Variants in PLAC1 observed in about 807,000 individuals in gnomAD.
PLAC1 encodes the protein placenta-specific protein 1.
For missense variants in PLAC1, 136 were observed against 163.2 expected, an observed-to-expected ratio of 0.83 and a Z score of 0.91; for synonymous variants, 68 against 62.1, an observed-to-expected ratio of 1.09 and a Z score of -0.44.
At chrX:134,610,726 G>C (rs1487711114) in intron 1 of PLAC1, among the ~76,000 whole-genome samples, 1 of 112,077 alleles carries the variant, frequency 8.9e-6, no homozygotes, top group Non-Finnish European at 1.9e-5. Flanking sequence ...TTTCTGAACT[G>C]ATATGACTAC....
intron 2 of PLAC1, among the ~76,000 whole-genome samples, chrX:134,728,041 G>T (rs889194322): frequency 8.9e-6 from 1 of 111,802 alleles, no homozygotes; most frequent in African/African-American, 3.2e-5. Flanking sequence ...TTTGAATGGG[G>T]AGAAGAAAGA....
intron 2 of PLAC1, among the ~76,000 whole-genome samples, chrX:134,669,476 T>C (rs778198206): frequency 3.1e-4 from 35 of 112,263 alleles, no homozygotes; most frequent in Middle Eastern, 4.6e-3. Flanking sequence ...GGGTGTGAGC[T>C]CTTATTCTCT....
chrX:134,678,189 A>G (rs762305284), intron 2 of PLAC1, among the ~76,000 whole-genome samples: 1 of 111,270 alleles, frequency 9.0e-6, no homozygotes, highest in East Asian at 2.8e-4. Context: ...ACTCGGTCTA[A>G]TGGTTTCTTA....
intron 2 of PLAC1, among the ~76,000 whole-genome samples, chrX:134,726,881 A>G (rs999253282): frequency 9.3e-5 from 10 of 107,623 alleles, no homozygotes; most frequent in Non-Finnish European, 1.5e-4. Context: ...AGGGCAAACT[A>G]CCCGTTGCTC....
intron 2 of PLAC1, among the ~76,000 whole-genome samples, chrX:134,669,912 G>A (rs2078449855): frequency 8.9e-6 from 1 of 112,013 alleles, no homozygotes; most frequent in African/African-American, 3.2e-5. Flanking sequence ...GATCTCGAAA[G>A]AACCTTGGCT....
At chrX:134,601,254 A>G (rs1270655956) in intron 2 of PLAC1, among the ~76,000 whole-genome samples, 1 of 112,302 alleles carries the variant, frequency 8.9e-6, no homozygotes, top group Non-Finnish European at 1.9e-5. Flanking sequence ...ATTTCATAGT[A>G]TGGACAACTT....
chrX:134,607,486 T>C, intron 1 of PLAC1: 1 of 153,265 alleles, frequency 6.5e-6, no homozygotes, highest in Non-Finnish European at 1.3e-5. Flanking sequence ...TGAAGGAAAC[T>C]GTTCAGAGAA....
intron 2 of PLAC1, among the ~76,000 whole-genome samples, chrX:134,696,539 G>A (rs1243316213): frequency 8.9e-6 from 1 of 112,105 alleles, no homozygotes; most frequent in East Asian, 2.8e-4. Context: ...AAGGGAATTA[G>A]GCATTTCTAT....
chrX:134,619,545 G>A (rs1456965953), intron 1 of PLAC1, among the ~76,000 whole-genome samples: 1 of 109,600 alleles, frequency 9.1e-6, no homozygotes, highest in Admixed American at 9.8e-5. Flanking sequence ...CAGCTACTTG[G>A]GAGGCTGAGG....
intron 2 of PLAC1, among the ~76,000 whole-genome samples, chrX:134,669,909 A>G (rs1303005757): frequency 8.9e-6 from 1 of 111,807 alleles, no homozygotes; most frequent in African/African-American, 3.3e-5. Context: ...CTGGATCTCG[A>G]AAGAACCTTG....
rs953830201 is a variant in PLAC1 at position 134,697,616 on chromosome X, C to T, written n.174+35819G>A. ...GGCACAGTGGCTCACACCTATAATC[C>T]CAGCAGTTTAGGAGGCCAAGGAGGG... is the stretch of plus-strand genomic sequence containing the variant. On this transcript the variant is annotated intron_variant and non_coding_transcript_variant, in intron 2 of 2. Transcript: ENST00000466797. Among the ~76,000 whole-genome samples the T allele has an allele frequency of 3.6e-5, 4 of 112,026 alleles. No individual in the cohort carries two copies. The East Asian group carries it at 8.4e-4, about 23-fold the overall frequency.
chrX:134,699,072 T>C (rs1348007750), intron 2 of PLAC1, among the ~76,000 whole-genome samples: 1 of 111,612 alleles, frequency 9.0e-6, no homozygotes, highest in Non-Finnish European at 1.9e-5. Context: ...TACTATGATA[T>C]TCACTTACTG....
chrX:134,659,816 T>C (rs963880627), upstream of PLAC1, among the ~76,000 whole-genome samples: 2 of 112,119 alleles, frequency 1.8e-5, no homozygotes, highest in African/African-American at 6.5e-5. Context: ...AGAACAGCCC[T>C]GATTTCCAGA....
chrX:134,642,357 C>T (rs1490515622), intron 1 of PLAC1, among the ~76,000 whole-genome samples: 1 of 111,930 alleles, frequency 8.9e-6, no homozygotes, highest in Non-Finnish European at 1.9e-5. Flanking sequence ...GATCTACCTA[C>T]CAGCTTATGG....
At chrX:134,755,856 C>CTTT (rs776901556) in intron 1 of PLAC1, among the ~76,000 whole-genome samples, 176 of 45,511 alleles carry the variant, frequency 3.9e-3, no homozygotes, top group African/African-American at 6.1e-3. Context: ...CCTTTTCTTT[C>CTTT]TTTTTTTTTT....
At chrX:134,717,084 A>C (rs1430678141) in intron 2 of PLAC1, among the ~76,000 whole-genome samples, 1 of 111,655 alleles carries the variant, frequency 9.0e-6, no homozygotes, top group Non-Finnish European at 1.9e-5. Flanking sequence ...TGTGGTCTAA[A>C]CCTGACTCAG....
intron 1 of PLAC1, among the ~76,000 whole-genome samples, chrX:134,640,756 T>G (rs2078303923): frequency 8.9e-6 from 1 of 112,345 alleles, no homozygotes. Flanking sequence ...CTTTGCTATA[T>G]CCCTAGAGCC....
chrX:134,593,112 A>G (rs183746638), intron 2 of PLAC1, among the ~76,000 whole-genome samples: 5 of 111,965 alleles, frequency 4.5e-5, no homozygotes, highest in East Asian at 2.8e-4. Context: ...CGTGACTACT[A>G]CAAGGTTCTT....
At chrX:134,668,334 A>G (rs2078443978) in intron 2 of PLAC1, among the ~76,000 whole-genome samples, 1 of 112,401 alleles carries the variant, frequency 8.9e-6, no homozygotes, top group African/African-American at 3.2e-5. Flanking sequence ...TGGGGAGAGA[A>G]TGGGAAGGAC....
Sources: allele counts gnomAD v4.1 joint callset (sites outside exome capture counted in the v4.1 genomes callset), GRCh38; gene constraint gnomAD v4.1.1; transcripts MANE v1.5; gene names NCBI Gene and HGNC (gene_info 2026-07-23, HGNC 2026-07-21).